NAALADL2: variants seen among roughly 807,000 people sequenced by gnomAD.
The protein encoded by NAALADL2 is N-acetylated alpha-linked acidic dipeptidase like 2.
Under a neutral mutation model 87.2 loss-of-function variants are expected in NAALADL2, and 76 were observed. That is an observed-to-expected ratio of 0.87 (90% CI 0.72 to 1.05). The LOEUF is 1.05. Ranked by LOEUF, NAALADL2 falls within the 50% of genes least tolerant of loss-of-function variation. NAALADL2 has a pLI of 0.00. For missense variants in NAALADL2, 1,089 were observed against 945.8 expected (o/e 1.15, Z -1.99); for synonymous variants, 354 against 331.0 (o/e 1.07, Z -0.75).
intron 11 of NAALADL2, among the ~76,000 whole-genome samples, chr3:175,729,859 C>T (rs1743435098): frequency 1.3e-5 from 2 of 150,750 alleles, no homozygotes; most frequent in Admixed American, 1.3e-4. Context: ...TATCTTACAG[C>T]ATCAACTTTC....
chr3:175,282,926 T>TTA (rs57711373), intron 4 of NAALADL2, among the ~76,000 whole-genome samples: 2 of 151,258 alleles, frequency 1.3e-5, no homozygotes, highest in Admixed American at 6.6e-5. Context: ...TTTTTTTTTT[T>TTA]AAATCCTCAA....
chr3:175,593,046 T>C (rs1721745564), intron 10 of NAALADL2, among the ~76,000 whole-genome samples: 1 of 152,124 alleles, frequency 6.6e-6, no homozygotes, highest in South Asian at 2.1e-4. Context: ...CAGTGCAGGA[T>C]GTGCAGGTCT....
At position 174,687,448 on chromosome 3, in the gene NAALADL2, A is replaced by G. The variant is rs190775739; in HGVS notation, c.-114-50193A>G. On this transcript the variant is annotated intron_variant, in intron 2 of 3. Coordinates refer to the NAALADL2 transcript ENST00000434257. ...TTATTTGTAATGTGTGTTTTGGCCT[A>G]TTGGATTTAGAGGTGATTCGCTTAC... 5.0e-3 allele frequency among the ~76,000 whole-genome samples: 762 copies of G among 152,194 alleles called. 8 individuals carry two copies. Among genetic ancestry groups the G allele is most frequent in the African/African-American group, 0.018 (743 of 41,534 alleles).
chr3:174,474,078 G>A (rs1012183701), intron 1 of NAALADL2, among the ~76,000 whole-genome samples: 6 of 152,198 alleles, frequency 3.9e-5, no homozygotes, highest in South Asian at 2.1e-4. Flanking sequence ...CCCATGACAC[G>A]TGGGGATTAT....
At position 175,679,012 on chromosome 3, in the gene NAALADL2, T is replaced by A. The variant is rs144626973; in HGVS notation, c.1896+51626T>A. ...AGGATTTGGGTAGGTAAAGGAAAAT[T>A]CAGTCAAAGGGGGTTGTTCTCTAGC... On this transcript the variant is annotated intron_variant, in intron 11 of 13. Coordinates refer to ENST00000454872, the MANE Select transcript of NAALADL2 (RefSeq NM_207015.3). Among the ~76,000 whole-genome samples, 246 of 150,634 alleles carry A rather than the reference T, an allele frequency of 1.6e-3. 1 individual carries two copies. Among genetic ancestry groups the A allele is most frequent in the African/African-American group, 5.8e-3 (237 of 40,910 alleles).
intron 1 of NAALADL2, chr3:174,550,504 T>C (rs1711989394): frequency 6.6e-6 from 1 of 152,134 alleles, no homozygotes; most frequent in Admixed American, 6.5e-5. Context: ...CAGACTTGTT[T>C]TCTTTAGGCT....
intron 3 of NAALADL2, among the ~76,000 whole-genome samples, chr3:174,752,475 T>A (rs1734928123): frequency 6.6e-6 from 1 of 152,162 alleles, no homozygotes; most frequent in Non-Finnish European, 1.5e-5. Context: ...TTGTATATTG[T>A]TTAGCAAAAT....
chr3:175,610,742 G>A (rs1724520521), intron 10 of NAALADL2, among the ~76,000 whole-genome samples: 1 of 152,026 alleles, frequency 6.6e-6, no homozygotes. Context: ...TGTATCTGAA[G>A]AAATACTAAG....
chr3:174,539,026 T>C (rs1006323088), intron 1 of NAALADL2, among the ~76,000 whole-genome samples: 2 of 152,328 alleles, frequency 1.3e-5, no homozygotes, highest in African/African-American at 2.4e-5. Context: ...TATTGAGATC[T>C]GTCTTAGATA....
At chr3:175,672,958 G>A (rs1679380088) in intron 11 of NAALADL2, among the ~76,000 whole-genome samples, 1 of 151,584 alleles carries the variant, frequency 6.6e-6, no homozygotes, top group Non-Finnish European at 1.5e-5. Context: ...TATCATCTTA[G>A]ATGTCCTCAG....
In NAALADL2 at chr3:174,514,961, C is replaced by A. The variant is rs191913352; in HGVS notation, c.-183-35608C>A. Among the ~76,000 whole-genome samples the A allele has an allele frequency of 6.6e-5, 10 of 152,144 alleles. No homozygotes were observed. The East Asian group carries it at 1.9e-3, about 29-fold the overall frequency. On this transcript the variant is annotated intron_variant, in intron 1 of 3. Transcript: ENST00000434257. ...AAGTGTGATAATACCTAGTTGAGGT[C>A]ATAGAATACTCACCTGTGAAATTAC...
chr3:175,462,723 A>T (rs1407252784), intron 6 of NAALADL2, among the ~76,000 whole-genome samples: 3 of 152,188 alleles, frequency 2.0e-5, no homozygotes, highest in Non-Finnish European at 4.4e-5. Context: ...TTCTGTGACT[A>T]GAGTCCTTCC....
chr3:174,741,250 A>G (rs144994698), intron 3 of NAALADL2, among the ~76,000 whole-genome samples: 1 of 151,724 alleles, frequency 6.6e-6, no homozygotes. Flanking sequence ...TCCCTCCGTC[A>G]ATGTAATTTT....
intron 1 of NAALADL2, among the ~76,000 whole-genome samples, chr3:174,540,182 A>G (rs1174822258): frequency 6.6e-6 from 1 of 152,140 alleles, no homozygotes; most frequent in African/African-American, 2.4e-5. Context: ...TTATTCTAGT[A>G]AGAGGGGGAA....
chr3:175,531,488 T>C (rs892720061), intron 9 of NAALADL2, among the ~76,000 whole-genome samples: 3 of 152,204 alleles, frequency 2.0e-5, no homozygotes, highest in African/African-American at 7.2e-5. Context: ...CTGGATCCAA[T>C]CAGCATGTCA....
chr3:175,205,721 A>C (rs2035020910), intron 2 of NAALADL2, among the ~76,000 whole-genome samples: 2 of 152,090 alleles, frequency 1.3e-5, no homozygotes, highest in African/African-American at 4.8e-5. Flanking sequence ...AATATCCAGA[A>C]TCTATAACAA....
intron 12 of NAALADL2, among the ~76,000 whole-genome samples, chr3:175,738,554 T>A (rs913574413): frequency 2.6e-5 from 4 of 152,148 alleles, no homozygotes; most frequent in Non-Finnish European, 5.9e-5. Flanking sequence ...GCCCCCTTTT[T>A]TTTTCTTTAC....
intron 5 of NAALADL2, among the ~76,000 whole-genome samples, chr3:175,332,798 A>G (rs1232827828): frequency 6.6e-6 from 1 of 152,076 alleles, no homozygotes; most frequent in African/African-American, 2.4e-5. Flanking sequence ...TTCTGTCTAG[A>G]TTATCTGTTT....
intron 3 of NAALADL2, among the ~76,000 whole-genome samples, chr3:174,850,186 A>T (rs906423893): frequency 4.0e-5 from 6 of 149,488 alleles, no homozygotes; most frequent in Middle Eastern, 3.5e-3. Context: ...GGTTGGAAGT[A>T]TTTTTTTTTT....
Sources: gnomAD v4.1 joint callset for allele counts (sites outside exome capture counted in the v4.1 genomes callset) on GRCh38, gnomAD v4.1.1 for gene constraint, MANE v1.5 for transcripts, NCBI Gene and HGNC (gene_info 2026-07-23, HGNC 2026-07-21) for gene names.